The following JAZF1 variants were observed in gnomAD, a reference collection of about 807,000 sequenced individuals.
The protein encoded by JAZF1 is juxtaposed with another zinc finger protein 1.
In JAZF1, 8 loss-of-function variants were observed where a neutral mutation model predicts 26.4. The observed-to-expected ratio is 0.30, with a 90% CI of 0.18 to 0.55. The LOEUF is 0.55. Ranked by LOEUF, JAZF1 falls within the 20% of genes least tolerant of loss-of-function variation. JAZF1 has a pLI of 0.94. For missense variants in JAZF1, 199 were observed against 322.0 expected (o/e 0.62, Z 2.92); for synonymous variants, 126 against 122.3 (o/e 1.03, Z -0.20).
At chr7:27,875,149 C>A (rs1253452294) in intron 3 of JAZF1, among the ~76,000 whole-genome samples, 1 of 152,170 alleles carries the variant, frequency 6.6e-6, no homozygotes, top group Non-Finnish European at 1.5e-5. Flanking sequence ...GCTTGTCTCC[C>A]ATCCGTGCAA....
At position 28,052,884 on chromosome 7, in the gene JAZF1, G is replaced by A. The variant is rs147463652; in HGVS notation, c.116-60903C>T. 4.5e-3 allele frequency among the ~76,000 whole-genome samples: 679 copies of A among 151,732 alleles called. 3 individuals are homozygous for A. The highest frequency in any genetic ancestry group is 0.016 in the African/African-American group (649 of 41,316). On this transcript the variant is annotated intron_variant, in intron 1 of 4. Transcript: ENST00000283928. ...ATTTTACCATCTTAACCACTTTTAAGTATATAGTTCAGCAGTGTTATGTAT... is the reference window on the plus strand; with the variant it reads ...ATTTTACCATCTTAACCACTTTTAAATATATAGTTCAGCAGTGTTATGTAT...
At chr7:28,085,632 ACAT>A (rs1163615567) in intron 1 of JAZF1, among the ~76,000 whole-genome samples, 1 of 152,192 alleles carries the variant, frequency 6.6e-6, no homozygotes, top group African/African-American at 2.4e-5. Flanking sequence ...GGAAGTGTTG[ACAT>A]CATGTTAACT....
At chr7:28,110,519 GGAAAA>G (rs1784635085) in intron 1 of JAZF1, among the ~76,000 whole-genome samples, 5 of 75,054 alleles carry the variant, frequency 6.7e-5, no homozygotes, top group African/African-American at 2.6e-4. Flanking sequence ...GAAAGGAAAA[GGAAAA>G]GGAAAAGGAA....
At chr7:28,173,472 C>T (rs930458374) in intron 1 of JAZF1, among the ~76,000 whole-genome samples, 1 of 152,118 alleles carries the variant, frequency 6.6e-6, no homozygotes, top group Non-Finnish European at 1.5e-5. Flanking sequence ...TAGACATATA[C>T]ATGTATTATT....
At chr7:27,890,784 CTTTTTTTTTTTTTT>C (rs70977008) in intron 3 of JAZF1, among the ~76,000 whole-genome samples, 4 of 92,004 alleles carry the variant, frequency 4.3e-5, no homozygotes, top group Non-Finnish European at 6.3e-5. Flanking sequence ...GATGTTACTA[CTTTTTTTTTTTTTT>C]TTTTTTTTTG....
intron 2 of JAZF1, among the ~76,000 whole-genome samples, chr7:27,903,764 C>G (rs1040380876): frequency 2.0e-5 from 3 of 152,216 alleles, no homozygotes; most frequent in Non-Finnish European, 4.4e-5. Context: ...TTCCATCCAG[C>G]TAAGGGCTGT....
At chr7:28,156,516 G>T (rs1036451843) in intron 1 of JAZF1, among the ~76,000 whole-genome samples, 1 of 152,238 alleles carries the variant, frequency 6.6e-6, no homozygotes, top group African/African-American at 2.4e-5. Flanking sequence ...AGCACAAAAT[G>T]TTCATTCAGT....
intron 1 of JAZF1, among the ~76,000 whole-genome samples, chr7:28,057,170 C>T (rs1036717220): frequency 2.6e-5 from 4 of 152,074 alleles, no homozygotes; most frequent in Non-Finnish European, 5.9e-5. Context: ...CTGAATCTTA[C>T]CTTTAACCCA....
intron 2 of JAZF1, among the ~76,000 whole-genome samples, chr7:27,945,223 C>T (rs79061082): frequency 1.7e-3 from 266 of 152,104 alleles, no homozygotes; most frequent in African/African-American, 5.9e-3. Flanking sequence ...ATCCAGAAGC[C>T]GTGATTTCAA....
chr7:28,105,800 T>C, intron 1 of JAZF1, among the ~76,000 whole-genome samples: 1 of 152,182 alleles, frequency 6.6e-6, no homozygotes, highest in East Asian at 1.9e-4. Context: ...TACAAGCGGC[T>C]ACAGAAAAAG....
intron 3 of JAZF1, among the ~76,000 whole-genome samples, chr7:27,861,322 T>A (rs74337318): frequency 2.4e-3 from 368 of 152,302 alleles, no homozygotes; most frequent in Non-Finnish European, 3.9e-3. Context: ...ATTTTTTTTT[T>A]ATAATTTCCT....
At chr7:28,165,476 A>G (rs990230564) in intron 1 of JAZF1, among the ~76,000 whole-genome samples, 1 of 152,192 alleles carries the variant, frequency 6.6e-6, no homozygotes, top group African/African-American at 2.4e-5. Context: ...ACGAAGTCAC[A>G]CAACATTCCA....
intron 1 of JAZF1, among the ~76,000 whole-genome samples, chr7:28,071,441 A>G (rs1783975140): frequency 6.6e-6 from 1 of 152,226 alleles, no homozygotes; most frequent in Admixed American, 6.5e-5. Flanking sequence ...AAAAATCTTT[A>G]GTCCTCCTTT....
intron 1 of JAZF1, among the ~76,000 whole-genome samples, chr7:28,013,798 T>C (rs1264207481): frequency 6.6e-6 from 1 of 152,098 alleles, no homozygotes; most frequent in Non-Finnish European, 1.5e-5. Context: ...TTTTAGACTG[T>C]GATTCCAATT....
At chr7:27,878,963 G>A (rs1192227752) in intron 3 of JAZF1, among the ~76,000 whole-genome samples, 3 of 152,102 alleles carry the variant, frequency 2.0e-5, no homozygotes, top group Non-Finnish European at 2.9e-5. Context: ...TGAATATTCT[G>A]AGGACATTTG....
chr7:28,057,257 A>G (rs1399377235), intron 1 of JAZF1, among the ~76,000 whole-genome samples: 1 of 152,230 alleles, frequency 6.6e-6, no homozygotes, highest in Non-Finnish European at 1.5e-5. Flanking sequence ...GTAAAAGCAC[A>G]TAAAAAATGC....
At chr7:27,948,501 G>T (rs910977004) in intron 2 of JAZF1, among the ~76,000 whole-genome samples, 1 of 152,056 alleles carries the variant, frequency 6.6e-6, no homozygotes, top group Non-Finnish European at 1.5e-5. Flanking sequence ...TGGAAAATGA[G>T]ACCAAATCAA....
chr7:28,085,002 C>T (rs952788614), intron 1 of JAZF1, among the ~76,000 whole-genome samples: 8 of 152,126 alleles, frequency 5.3e-5, no homozygotes, highest in African/African-American at 1.4e-4. Flanking sequence ...CTGTAGAGTC[C>T]CCACTTGGAG....
At chr7:27,953,023 C>G (rs1036557836) in intron 2 of JAZF1, among the ~76,000 whole-genome samples, 2 of 152,182 alleles carry the variant, frequency 1.3e-5, no homozygotes, top group African/African-American at 4.8e-5. Flanking sequence ...AAGGCAGTAA[C>G]ATAGGATATT....
Sources: allele counts gnomAD v4.1 joint callset (sites outside exome capture counted in the v4.1 genomes callset), GRCh38; gene constraint gnomAD v4.1.1; transcripts MANE v1.5; gene names NCBI Gene and HGNC (gene_info 2026-07-23, HGNC 2026-07-21).